The following DIAPH2 variants were observed in gnomAD, a reference collection of about 807,000 sequenced individuals.
DIAPH2 encodes protein diaphanous homolog 2.
DIAPH2 carries 35 observed loss-of-function variants against 92.7 expected under a neutral mutation model. The ratio of observed to expected loss-of-function variants is 0.38; its 90% CI spans 0.29 to 0.50. The LOEUF (loss-of-function observed/expected upper bound fraction) is 0.50, where lower values mean the gene tolerates loss of function less well. DIAPH2 is among the 20% of genes least tolerant of loss of function. The pLI is 0.94. For missense variants in DIAPH2, 701 were observed against 819.5 expected (o/e 0.86, Z 1.77); for synonymous variants, 301 against 280.4 (o/e 1.07, Z -0.73).
intron 21 of DIAPH2, among the ~76,000 whole-genome samples, chrX:97,129,107 T>TTTTCTTTTCTTTTCTTTTC (rs2067114278): frequency 2.6e-4 from 18 of 69,755 alleles, no homozygotes; most frequent in South Asian, 7.3e-4. Flanking sequence ...TTTTCTTTTC[T>TTTTCTTTTCTTTTCTTTTC]TTTCTTTTCT....
At chrX:96,696,795 G>A (rs1042539796) in intron 1 of DIAPH2, among the ~76,000 whole-genome samples, 2 of 112,122 alleles carry the variant, frequency 1.8e-5, no homozygotes, top group South Asian at 7.4e-4. Context: ...AGTGCTTTGC[G>A]TGTATTTGTT....
chrX:97,451,331 A>G (rs777153811), intron 26 of DIAPH2, among the ~76,000 whole-genome samples: 15 of 111,495 alleles, frequency 1.3e-4, no homozygotes, highest in African/African-American at 3.9e-4. Context: ...ATGTATGTAC[A>G]TTACCTGCCG....
intron 17 of DIAPH2, among the ~76,000 whole-genome samples, chrX:97,024,093 G>A (rs1000786164): frequency 2.4e-4 from 27 of 111,768 alleles, no homozygotes; most frequent in African/African-American, 8.1e-4. Context: ...ATGGATACTA[G>A]GGGTTTTCTT....
At position 96,962,300 on chromosome X, in the gene DIAPH2, CAT is replaced by C. The variant is rs1295442738; in HGVS notation, c.1936-2783_1936-2782del. Among the ~76,000 whole-genome samples, 30 of 61,160 alleles carry C rather than the reference CAT, an allele frequency of 4.9e-4. 1 individual carries two copies. Among genetic ancestry groups the C allele is most frequent in the Admixed American group, 1.1e-3 (6 of 5,451 alleles). The allele number at this position is 61,160 out of a possible 115,157, so 53.1% of individuals were successfully genotyped here. A position where few individuals can be genotyped will look rare whatever the true frequency, so the allele number is the denominator to read the frequency against. On this transcript the variant is annotated intron_variant, in intron 16 of 26. Coordinates refer to ENST00000324765, the MANE Select transcript of DIAPH2 (RefSeq NM_006729.5). ...ATATATATATACATATATATATATA[CAT>C]ATATATATACATATATATATACACA...
intron 1 of DIAPH2, among the ~76,000 whole-genome samples, chrX:96,710,018 A>C (rs184450032): frequency 6.3e-5 from 7 of 111,934 alleles, no homozygotes; most frequent in Non-Finnish European, 1.3e-4. Context: ...CTTGCCATTA[A>C]AGATTTTTTC....
At position 97,200,304 on chromosome X, in the gene DIAPH2, G is replaced by A. The variant is rs762674802; in HGVS notation, c.2720-47411G>A. Among the ~76,000 whole-genome samples, 80 of 112,200 alleles carry A rather than the reference G, an allele frequency of 7.1e-4. 1 individual carries two copies. In the Middle Eastern group the frequency reaches 0.023, roughly 32 times the overall value. On this transcript the variant is annotated intron_variant, in intron 22 of 26. Transcript: ENST00000324765. ...CCAGCTAGCTGCGGGAGTTGTTTTT[G>A]TACCCCGGCGGTGCCTGGAACACCA... is the stretch of plus-strand genomic sequence containing the variant.
At chrX:97,278,941 A>G in intron 23 of DIAPH2, among the ~76,000 whole-genome samples, 1 of 112,381 alleles carries the variant, frequency 8.9e-6, no homozygotes, top group Admixed American at 9.5e-5. Context: ...CGTGCCTTTA[A>G]CAAAGCAGTT....
chrX:97,511,989 G>A (rs1230540820), intron 26 of DIAPH2, among the ~76,000 whole-genome samples: 2 of 113,516 alleles, frequency 1.8e-5, no homozygotes, highest in African/African-American at 6.5e-5. Flanking sequence ...TTGTGTCTCT[G>A]CCAGGCTTTG....
chrX:97,069,084 T>C (rs1401737845), intron 17 of DIAPH2, among the ~76,000 whole-genome samples: 1 of 111,045 alleles, frequency 9.0e-6, no homozygotes, highest in Non-Finnish European at 1.9e-5. Flanking sequence ...TGCCTCAGCC[T>C]CCTGAGTAGC....
intron 23 of DIAPH2, among the ~76,000 whole-genome samples, chrX:97,320,586 G>T (rs1254081774): frequency 1.8e-5 from 2 of 109,838 alleles, no homozygotes; most frequent in Non-Finnish European, 3.8e-5. Flanking sequence ...GTGGTGGCGG[G>T]CGCCTGCAGT....
intron 26 of DIAPH2, among the ~76,000 whole-genome samples, chrX:97,514,643 A>G (rs1397809787): frequency 9.1e-6 from 1 of 109,845 alleles, no homozygotes; most frequent in Admixed American, 9.7e-5. Context: ...TTGTGGTTTT[A>G]TCTACTTTTG....
intron 4 of DIAPH2, among the ~76,000 whole-genome samples, chrX:96,812,352 G>A (rs1022616933): frequency 9.0e-5 from 10 of 111,709 alleles, no homozygotes; most frequent in Non-Finnish European, 1.3e-4. Context: ...TATTTCTGTG[G>A]GATTGGTGCT....
intron 26 of DIAPH2, among the ~76,000 whole-genome samples, chrX:97,554,308 C>T (rs1168305341): frequency 8.9e-6 from 1 of 112,311 alleles, no homozygotes; most frequent in African/African-American, 3.2e-5. Context: ...TACCTCTCCT[C>T]TCAGTGCTTG....
At chrX:97,244,496 T>G (rs1482678223) in intron 22 of DIAPH2, among the ~76,000 whole-genome samples, 2 of 111,942 alleles carry the variant, frequency 1.8e-5, no homozygotes, top group Non-Finnish European at 3.8e-5. Context: ...TTGGCCACGG[T>G]CTCTATACCA....
intron 9 of DIAPH2, among the ~76,000 whole-genome samples, chrX:96,927,404 A>G (rs1392410239): frequency 2.8e-5 from 3 of 107,614 alleles, no homozygotes; most frequent in Admixed American, 1.0e-4. Context: ...TGAAATTTTC[A>G]TTATTCAGCA....
chrX:97,379,619 G>C (rs575105087), intron 24 of DIAPH2, among the ~76,000 whole-genome samples: 1 of 111,981 alleles, frequency 8.9e-6, no homozygotes. Flanking sequence ...AGATTTTTCT[G>C]ATTCCAGGAT....
At chrX:97,425,346 A>T (rs143301986) in intron 25 of DIAPH2, among the ~76,000 whole-genome samples, 1,218 of 112,318 alleles carry the variant, frequency 0.011, 16 homozygotes, top group African/African-American at 0.038. Context: ...TCTATTGTAC[A>T]TCATGGTAAC....
intron 26 of DIAPH2, among the ~76,000 whole-genome samples, chrX:97,479,400 G>A (rs918281400): frequency 8.9e-6 from 1 of 112,135 alleles, no homozygotes; most frequent in Non-Finnish European, 1.9e-5. Context: ...AGAGATGAGA[G>A]CAAAGGAGAT....
chrX:96,996,462 G>T (rs1263153603), intron 17 of DIAPH2, among the ~76,000 whole-genome samples: 1 of 111,498 alleles, frequency 9.0e-6, no homozygotes, highest in Non-Finnish European at 1.9e-5. Flanking sequence ...ACTCTTTATT[G>T]AAGGTCAAGG....
Sources: gnomAD v4.1 joint callset for allele counts (sites outside exome capture counted in the v4.1 genomes callset) on GRCh38, gnomAD v4.1.1 for gene constraint, MANE v1.5 for transcripts, NCBI Gene and HGNC (gene_info 2026-07-23, HGNC 2026-07-21) for gene names.